The following CLTB variants were observed in gnomAD, a reference collection of about 807,000 sequenced individuals.
CLTB encodes the protein clathrin light chain B.
A neutral mutation model predicts 30.5 loss-of-function variants in CLTB; 10 were observed. The ratio of observed to expected loss-of-function variants is 0.33; its 90% CI spans 0.20 to 0.56. The LOEUF (loss-of-function observed/expected upper bound fraction) is 0.56, where lower values mean the gene tolerates loss of function less well. Ranked by LOEUF, CLTB falls within the 20% of genes least tolerant of loss-of-function variation. The pLI is 0.91. For missense variants in CLTB, 261 were observed against 308.3 expected, an observed-to-expected ratio of 0.85 and a Z score of 1.15; for synonymous variants, 102 against 120.3, an observed-to-expected ratio of 0.85 and a Z score of 1.00.
chr5:176,408,507 G>A (rs1042344546), intron 2 of CLTB, among the ~76,000 whole-genome samples: 1 of 150,238 alleles, frequency 6.7e-6, no homozygotes, highest in African/African-American at 2.5e-5. Flanking sequence ...TTGCACTCCA[G>A]CCTGGGCAAT....
At chr5:176,401,618 A>T in intron 2 of CLTB, 24 of 408,794 alleles carry the variant, frequency 5.9e-5, no homozygotes, top group South Asian at 4.2e-4. Flanking sequence ...TCGAGACCTC[A>T]GCCTTTAGGT....
intron 5 of CLTB, among the ~76,000 whole-genome samples, chr5:176,395,050 C>T (rs939935854): frequency 2.6e-5 from 4 of 152,036 alleles, no homozygotes; most frequent in Non-Finnish European, 5.9e-5. Flanking sequence ...TTGCAACCAG[C>T]CCCAAGCCAA....
chr5:176,411,798 C>G (rs1368784602), intron 1 of CLTB, among the ~76,000 whole-genome samples: 7 of 152,214 alleles, frequency 4.6e-5, no homozygotes, highest in African/African-American at 1.4e-4. Context: ...ACCAGCCCAT[C>G]CCACAAACCC....
chr5:176,415,869 C>T, intron 1 of CLTB, among the ~76,000 whole-genome samples: 1 of 152,270 alleles, frequency 6.6e-6, no homozygotes, highest in Admixed American at 6.5e-5. Context: ...TATTAGGAGG[C>T]TCAGGAGGGA....
chr5:176,416,142 C>T (rs1757679524), intron 1 of CLTB, 35 bp downstream of exon 1: 2 of 1,501,830 alleles, frequency 1.3e-6, no homozygotes, highest in South Asian at 1.3e-5. Flanking sequence ...CGGGTGCGCG[C>T]CCTGAGCCCC....
At chr5:176,409,406 C>CTTTTTTTTTTTTTT (rs34831947) in intron 2 of CLTB, among the ~76,000 whole-genome samples, 1 of 79,656 alleles carries the variant, frequency 1.3e-5, no homozygotes. Flanking sequence ...TCTGATTGCC[C>CTTTTTTTTTTTTTT]TTTTTTTTTT....
At chr5:176,416,080 G>A in intron 1 of CLTB, 97 bp downstream of exon 1, 2 of 1,103,176 alleles carry the variant, frequency 1.8e-6, no homozygotes, top group African/African-American at 1.7e-5. Flanking sequence ...TGCCCCGGGT[G>A]GCCTAGAGCA....
chr5:176,410,226 C>T, intron 2 of CLTB, 31 bp downstream of exon 2: 4 of 1,609,200 alleles, frequency 2.5e-6, no homozygotes, highest in Non-Finnish European at 3.4e-6. Flanking sequence ...GCTGTTGGTC[C>T]TTACCACTGC....
intron 2 of CLTB, chr5:176,406,735 A>G: frequency 2.4e-6 from 3 of 1,276,466 alleles, no homozygotes; most frequent in African/African-American, 3.0e-5. Flanking sequence ...GAAAGGAAGC[A>G]CAAAAGCTCT....
chr5:176,405,504 AAAAAGAAAAAG>A (rs1757062301), intron 2 of CLTB: 1 of 149,628 alleles, frequency 6.7e-6, no homozygotes, highest in East Asian at 1.9e-4. Flanking sequence ...AAAAAAAAAA[AAAAAGAAAAAG>A]AAAAAGAAAA....
chr5:176,400,488 T>C (rs1045889364), intron 2 of CLTB, among the ~76,000 whole-genome samples: 7 of 152,112 alleles, frequency 4.6e-5, no homozygotes, highest in Non-Finnish European at 1.0e-4. Flanking sequence ...TCCCCACCCC[T>C]TGCCAGAGCT....
chr5:176,402,119 G>A (rs916825994), intron 2 of CLTB, among the ~76,000 whole-genome samples: 15 of 152,060 alleles, frequency 9.9e-5, no homozygotes, highest in African/African-American at 2.9e-4. Flanking sequence ...CCTGGGCAAC[G>A]TGGTAAAACC....
chr5:176,410,429 C>G (rs1471312041), intron 1 of CLTB, 126 bp from the exon 2 acceptor site: 1 of 684,460 alleles, frequency 1.5e-6, no homozygotes, highest in African/African-American at 1.8e-5. Context: ...CACATGCAAA[C>G]AGACATAATG....
At chr5:176,396,413 C>T (rs1756520864) in intron 5 of CLTB, 66 bp downstream of exon 5, 12 of 1,366,320 alleles carry the variant, frequency 8.8e-6, no homozygotes, top group Non-Finnish European at 1.3e-5. Flanking sequence ...AAGCAGGAAA[C>T]TCAAGAAACT....
At chr5:176,410,061 T>C (rs576777150) in intron 2 of CLTB, among the ~76,000 whole-genome samples, 196 bp downstream of exon 2, 2 of 152,310 alleles carry the variant, frequency 1.3e-5, no homozygotes, top group South Asian at 2.1e-4. Context: ...TCTCGATCTC[T>C]AGTGGTCCTT....
intron 2 of CLTB, among the ~76,000 whole-genome samples, chr5:176,409,715 T>C (rs750465991): frequency 2.0e-5 from 3 of 152,160 alleles, no homozygotes; most frequent in Non-Finnish European, 2.9e-5. Flanking sequence ...CACCCGGCCC[T>C]GATTGCCCTT....
intron 5 of CLTB, among the ~76,000 whole-genome samples, chr5:176,394,519 A>C (rs904166642): frequency 1.3e-4 from 19 of 151,768 alleles, no homozygotes; most frequent in African/African-American, 3.9e-4. Context: ...TAAAAATACA[A>C]AAAATTAGCT....
In CLTB at chr5:176,394,751, G is replaced by C. The variant is rs550814307; in HGVS notation, c.518+1728C>G. Among the ~76,000 whole-genome samples the C allele has an allele frequency of 1.2e-3, 181 of 152,142 alleles. 1 individual carries two copies. Among genetic ancestry groups the C allele is most frequent in the African/African-American group, 4.2e-3 (176 of 41,478 alleles). Reference sequence around the variant, plus strand: ...AATTGCTTGAGCCCAGGAGGCGGAGGTTGCAGTGAGCTGAGATCATGCCAC... The same window carrying C: ...AATTGCTTGAGCCCAGGAGGCGGAGCTTGCAGTGAGCTGAGATCATGCCAC... On this transcript the variant is annotated intron_variant, in intron 5 of 5. Coordinates refer to ENST00000310418, the MANE Select transcript of CLTB (RefSeq NM_007097.5).
In CLTB at chr5:176,393,958, C is replaced by T. The variant is rs927418809; in HGVS notation, c.519-1013G>A. ...TCAAGCAGGACCAGTTCTGCCGATG[C>T]CAGACATGACTGATGGCAGGAGCGC... is the stretch of plus-strand genomic sequence containing the variant. On this transcript the variant is annotated intron_variant, in intron 5 of 5. Coordinates refer to ENST00000310418, the MANE Select transcript of CLTB (RefSeq NM_007097.5). This position sits in a 1 kb window ranked among gnomAD's most constrained non-coding sequence, Gnocchi z 4.4. Among the ~76,000 whole-genome samples, 2 of 152,204 alleles carry T rather than the reference C, an allele frequency of 1.3e-5. No individual in the cohort carries two copies.
Sources: gnomAD v4.1 joint callset for allele counts (sites outside exome capture counted in the v4.1 genomes callset) on GRCh38, gnomAD v4.1.1 for gene constraint, Gnocchi (gnomAD v3.1) non-coding constraint, MANE v1.5 for transcripts, NCBI Gene and HGNC (gene_info 2026-07-23, HGNC 2026-07-21) for gene names.